Variants in TMPRSS6 observed in about 807,000 individuals in gnomAD.
TMPRSS6 encodes transmembrane serine protease 6, also known as transmembrane protease serine 6.
TMPRSS6 carries 67 observed loss-of-function variants against 101.5 expected under a neutral mutation model. That is an observed-to-expected ratio of 0.66 (90% CI 0.54 to 0.81). The LOEUF is 0.81. Ranked by LOEUF, TMPRSS6 falls within the 30% of genes least tolerant of loss-of-function variation. The pLI is 0.00. For synonymous variants in TMPRSS6, 453 were observed against 464.9 expected, an observed-to-expected ratio of 0.97 and a Z score of 0.33; for missense variants, 1,034 against 1,088.7, an observed-to-expected ratio of 0.95 and a Z score of 0.71.
chr22:37,100,125 G>A (rs1016101915), intron 2 of TMPRSS6, among the ~76,000 whole-genome samples: 4 of 152,052 alleles, frequency 2.6e-5, no homozygotes, highest in South Asian at 2.1e-4. Context: ...GCACCACCAC[G>A]CCCGGTTAAT....
At chr22:37,096,817 A>G (rs2146158419) in intron 3 of TMPRSS6, 102 bp from the exon 4 acceptor site, 1 of 1,148,706 alleles carries the variant, frequency 8.7e-7, no homozygotes, top group South Asian at 1.3e-5. Flanking sequence ...GCCCCGCTCC[A>G]TGCATGATTC....
At chr22:37,092,814 C>A (rs1929388983) in intron 6 of TMPRSS6, among the ~76,000 whole-genome samples, 1 of 152,218 alleles carries the variant, frequency 6.6e-6, no homozygotes, top group Admixed American at 6.5e-5. Context: ...AATCTGATGC[C>A]CCCTCCATGA....
chr22:37,102,262 C>T (rs1930382477), intron 2 of TMPRSS6, among the ~76,000 whole-genome samples: 1 of 152,236 alleles, frequency 6.6e-6, no homozygotes, highest in African/African-American at 2.4e-5. Context: ...TTCCTCTGTC[C>T]CATCACATGC....
chr22:37,077,881 G>A (rs892635280), intron 10 of TMPRSS6, among the ~76,000 whole-genome samples: 15 of 152,212 alleles, frequency 9.9e-5, no homozygotes, highest in African/African-American at 3.6e-4. Context: ...TTTGCGGAGA[G>A]TGACTGGGTC....
At chr22:37,095,629 C>CAAAAAA (rs548945502) in intron 5 of TMPRSS6, 37 bp from the exon 6 acceptor site, 13 of 1,177,210 alleles carry the variant, frequency 1.1e-5, no homozygotes, top group East Asian at 5.4e-5. Context: ...TAAACAAGAA[C>CAAAAAA]AAAAAAAAAA....
chr22:37,081,246 T>C (rs531778549), intron 10 of TMPRSS6, among the ~76,000 whole-genome samples: 23 of 152,330 alleles, frequency 1.5e-4, no homozygotes, highest in African/African-American at 5.5e-4. Context: ...GCGTGTGCAA[T>C]GTTCTCCACG....
At chr22:37,072,431 T>TGATGGATGATGGATG (rs1392854286) in intron 13 of TMPRSS6, among the ~76,000 whole-genome samples, 4 of 56,124 alleles carry the variant, frequency 7.1e-5, no homozygotes, top group Admixed American at 7.0e-4. Flanking sequence ...ATTGATGGAT[T>TGATGGATGATGGATG]GATGGATGAT....
intron 7 of TMPRSS6, 143 bp from the exon 8 acceptor site, chr22:37,086,562 T>C: frequency 2.3e-6 from 2 of 853,976 alleles, no homozygotes; most frequent in Non-Finnish European, 3.7e-6. Flanking sequence ...GAGACCACTG[T>C]GTGTCTGTGG....
rs568047378 is a variant in TMPRSS6 at position 37,082,614 on chromosome 22, C to T, written c.1196+1681G>A. On this transcript the variant is annotated intron_variant, in intron 10 of 17. Transcript: ENST00000676104. ...CATGAGGGGTCAGGGCAGCCGTTCCCAGAGGTGCCCCCATCATGCTACAGA... is the reference window on the plus strand; with the variant it reads ...CATGAGGGGTCAGGGCAGCCGTTCCTAGAGGTGCCCCCATCATGCTACAGA... The T allele has an allele frequency of 5.9e-5, 13 of 219,012 alleles. No individual in the cohort carries two copies. The East Asian group carries it at 1.8e-3, about 31-fold the overall frequency. The allele number at this position is 219,012 out of a possible 1,614,324, so 13.6% of individuals were successfully genotyped here.
intron 5 of TMPRSS6, 21 bp downstream of exon 5, chr22:37,095,885 G>A (rs1190196417): frequency 5.0e-6 from 8 of 1,613,574 alleles, no homozygotes; most frequent in Non-Finnish European, 6.8e-6. Flanking sequence ...CCAACCCCAC[G>A]TTTCCACTCG....
intron 10 of TMPRSS6, 117 bp from the exon 11 acceptor site, chr22:37,075,397 T>A: frequency 7.3e-7 from 1 of 1,376,056 alleles, no homozygotes; most frequent in Non-Finnish European, 1.0e-6. Flanking sequence ...CCGCTGTGCC[T>A]CCTCTGCCCT....
intron 10 of TMPRSS6, among the ~76,000 whole-genome samples, chr22:37,076,604 C>T (rs979673411): frequency 1.3e-5 from 2 of 152,204 alleles, no homozygotes; most frequent in Non-Finnish European, 2.9e-5. Flanking sequence ...CCTCACCCCA[C>T]AGAGCAAGTG....
At chr22:37,079,011 A>G (rs1928037596) in intron 10 of TMPRSS6, among the ~76,000 whole-genome samples, 1 of 151,732 alleles carries the variant, frequency 6.6e-6, no homozygotes, top group Non-Finnish European at 1.5e-5. Context: ...GAAAGAAAGA[A>G]AGAAAGAGAA....
intron 2 of TMPRSS6, among the ~76,000 whole-genome samples, chr22:37,099,494 T>C (rs1286831247): frequency 6.6e-6 from 1 of 152,218 alleles, no homozygotes; most frequent in Non-Finnish European, 1.5e-5. Context: ...CTCACAGCCC[T>C]GGTTTACACC....
chr22:37,094,780 T>A (rs1218603865), intron 6 of TMPRSS6, among the ~76,000 whole-genome samples: 15 of 152,146 alleles, frequency 9.9e-5, no homozygotes. Flanking sequence ...AGGAAAGGTA[T>A]AACAAGGATT....
chr22:37,069,596 C>T lies in TMPRSS6; in HGVS notation c.1842-252G>A, dbSNP rs1001754232. 1.3e-5 allele frequency among the ~76,000 whole-genome samples: 2 copies of T among 152,204 alleles called. No individual in the cohort carries two copies. The highest frequency in any genetic ancestry group is 1.5e-5 in the Non-Finnish European group (1 of 68,036). On this transcript the variant is annotated intron_variant, in intron 15 of 17. Coordinates refer to ENST00000676104, the MANE Select transcript of TMPRSS6 (RefSeq NM_001374504.1). The surrounding 1 kb of genome is among the most constrained non-coding windows in gnomAD (Gnocchi z 4.8). ...ATGGGTGTGCCTCTCTAAGCCTCTGCCACCTCATCTGCAAATGGGAATGGC... is the reference window on the plus strand; with the variant it reads ...ATGGGTGTGCCTCTCTAAGCCTCTGTCACCTCATCTGCAAATGGGAATGGC...
chr22:37,103,794 ACCTCTTGC>A lies in TMPRSS6; in HGVS notation c.-1-384_-1-377del. 1 of 593,670 alleles carries A rather than the reference ACCTCTTGC, an allele frequency of 1.7e-6. No homozygotes were observed. The allele number at this position is 593,670 out of a possible 1,614,324, so 36.8% of individuals were successfully genotyped here. On this transcript the variant is annotated intron_variant, in intron 1 of 17. Coordinates refer to ENST00000676104, the MANE Select transcript of TMPRSS6 (RefSeq NM_001374504.1). This position sits in a 1 kb window ranked among gnomAD's most constrained non-coding sequence, Gnocchi z 4.4. ...GGGTGCAGACTTCTGTAGACATCTG[ACCTCTTGC>A]CCTCATTTCCCGTCCACGCAAGGAA...
Position 37,103,111 on chromosome 22 carries a change from T to G in TMPRSS6, c.202+105A>C, listed in dbSNP as rs146537554. The G allele has an allele frequency of 7.2e-4, 884 of 1,233,086 alleles. 1 individual carries two copies. In the African/African-American group the frequency reaches 0.011, roughly 16 times the overall value. The allele number at this position is 1,233,086 out of a possible 1,614,324, so 76.4% of individuals were successfully genotyped here. A position where few individuals can be genotyped will look rare whatever the true frequency, so the allele number is the denominator to read the frequency against. ...ACTTGCCCAAGGTCACACAGCAATA[T>G]GCTAAGCACGGCTGAGCCTGGAACC... is the stretch of plus-strand genomic sequence containing the variant. On this transcript the variant is annotated intron_variant, in intron 2 of 17. Transcript: ENST00000676104. The surrounding 1 kb of genome is among the most constrained non-coding windows in gnomAD (Gnocchi z 4.4).
chr22:37,110,013 TGAGA>T (rs537593527), upstream of TMPRSS6, among the ~76,000 whole-genome samples: 19 of 151,488 alleles, frequency 1.3e-4, no homozygotes, highest in South Asian at 4.0e-3. Context: ...GCTGCTGGCC[TGAGA>T]GAGAGAAAAG....
Sources: allele counts gnomAD v4.1 joint callset (sites outside exome capture counted in the v4.1 genomes callset), GRCh38; gene constraint gnomAD v4.1.1; non-coding constraint Gnocchi (gnomAD v3.1); transcripts MANE v1.5; gene names NCBI Gene and HGNC (gene_info 2026-07-23, HGNC 2026-07-21).